DPP4: variants seen among roughly 807,000 people sequenced by gnomAD.
DPP4 encodes the protein ADCP-2.
In DPP4, 93 loss-of-function variants were observed where a neutral mutation model predicts 122.4. The ratio of observed to expected loss-of-function variants is 0.76; its 90% confidence interval spans 0.64 to 0.90. The LOEUF is 0.90. DPP4 is among the 40% of genes least tolerant of loss of function. The pLI, the probability that DPP4 is intolerant of heterozygous loss-of-function variation, is 0.00. For missense variants in DPP4, 914 were observed against 907.3 expected (o/e 1.01, Z -0.09); for synonymous variants, 321 against 302.9 (o/e 1.06, Z -0.62).
At chr2:162,028,142 A>C (rs1181090083) in intron 10 of DPP4, among the ~76,000 whole-genome samples, 1 of 151,980 alleles carries the variant, frequency 6.6e-6, no homozygotes, top group African/African-American at 2.4e-5. Flanking sequence ...CAGGTGGATC[A>C]TTTGAGGCCA....
intron 8 of DPP4, 134 bp downstream of exon 8, chr2:162,038,168 A>G (rs1683849692): frequency 1.2e-6 from 1 of 861,858 alleles, no homozygotes; most frequent in African/African-American, 1.8e-5. Flanking sequence ...GTGAGTTCTA[A>G]GAGAAATCTG....
intron 23 of DPP4, 33 bp downstream of exon 23, chr2:162,005,712 G>A (rs766339818): frequency 3.8e-6 from 6 of 1,563,342 alleles, no homozygotes; most frequent in Non-Finnish European, 4.4e-6. Flanking sequence ...TTATAAATAG[G>A]TTATAAAATA....
chr2:162,073,740 T>C (rs1685208410), intron 1 of DPP4: 6 of 704,458 alleles, frequency 8.5e-6, no homozygotes, highest in Non-Finnish European at 1.4e-5. Flanking sequence ...CGGGCGTGCG[T>C]TCTGTGAGTG....
At chr2:162,017,046 A>G (rs1682950377) in intron 17 of DPP4, 62 bp downstream of exon 17, 8 of 1,536,296 alleles carry the variant, frequency 5.2e-6, no homozygotes, top group Admixed American at 3.5e-5. Flanking sequence ...TGCTAAGTAC[A>G]TGTTAGACTT....
At chr2:162,041,040 C>A (rs1012532031) in intron 5 of DPP4, among the ~76,000 whole-genome samples, 59 of 150,800 alleles carry the variant, frequency 3.9e-4, no homozygotes, top group Admixed American at 2.9e-3. Context: ...ATAGACCAAG[C>A]AATAACTAAA....
At chr2:162,040,079 A>G (rs1373943212) in intron 5 of DPP4, among the ~76,000 whole-genome samples, 1 of 152,110 alleles carries the variant, frequency 6.6e-6, no homozygotes, top group Non-Finnish European at 1.5e-5. Flanking sequence ...TTCTTGAAAA[A>G]TAATTTCTTA....
At position 161,993,372 on chromosome 2, in the gene DPP4, C is replaced by T. The variant is rs751368178; in HGVS notation, c.2212G>A (p.Glu738Lys). 4 of 1,610,856 alleles carry T rather than the reference C, an allele frequency of 2.5e-6. No homozygotes were observed. Among genetic ancestry groups the T allele is most frequent in the Non-Finnish European group, 2.5e-6 (3 of 1,177,526 alleles). ...GTGCTGCTAGCTATTCCATGGTCTTCATCAGTATACCACTAGAGAGAGAAA... is the reference window on the plus strand; with the variant it reads ...GTGCTGCTAGCTATTCCATGGTCTTTATCAGTATACCACTAGAGAGAGAAA... ...VDFQAMWYTD[E>K]DHGIASSTAH... Residue 738 changes from glutamate (E) to lysine (K), a missense_variant, in exon 26 of 26, where the codon GAA becomes AAA. Physicochemically the swap from Glu to Lys is moderately conservative, Grantham distance 56 (BLOSUM62 1). Transcript: ENST00000360534.
At chr2:162,041,681 A>T (rs1683992010) in intron 5 of DPP4, among the ~76,000 whole-genome samples, 1 of 152,168 alleles carries the variant, frequency 6.6e-6, no homozygotes, top group South Asian at 2.1e-4. Flanking sequence ...ACCAGCTAAA[A>T]CTATTAAGAT....
At chr2:162,060,282 A>C (rs1684716960) in intron 2 of DPP4, among the ~76,000 whole-genome samples, 1 of 152,208 alleles carries the variant, frequency 6.6e-6, no homozygotes, top group Non-Finnish European at 1.5e-5. Context: ...GGGTCAGTTG[A>C]AACTTAATTT....
chr2:162,053,429 A>T lies in DPP4; in HGVS notation c.95-5928T>A, dbSNP rs868482042. Among the ~76,000 whole-genome samples, 126 of 139,750 alleles carry T rather than the reference A, an allele frequency of 9.0e-4. 2 individuals carry two copies. The highest frequency in any genetic ancestry group is 3.5e-3 in the African/African-American group (116 of 33,546). 91.7% of individuals were successfully genotyped at this position (139,750 alleles called of 152,430 possible). A position where few individuals can be genotyped will look rare whatever the true frequency, so the allele number is the denominator to read the frequency against. On this transcript the variant is annotated intron_variant, in intron 2 of 25. Coordinates refer to ENST00000360534, the MANE Select transcript of DPP4 (RefSeq NM_001935.4). ...CACCAACGATAGCTGAATAACTTTA[A>T]AAAAAAAAAACAAAAATAACTCATA... is the stretch of plus-strand genomic sequence containing the variant.
At chr2:162,032,181 G>C (rs1683570908) in intron 10 of DPP4, 2 of 152,200 alleles carry the variant, frequency 1.3e-5, no homozygotes, top group South Asian at 4.1e-4. Flanking sequence ...GTATCTAATA[G>C]CTTGTTCGTT....
chr2:161,995,310 T>TC lies in DPP4; in HGVS notation c.2114dup (p.Thr706AsnfsTer4), dbSNP rs766893106. The TC allele has an allele frequency of 1.9e-6, 3 of 1,613,800 alleles. No homozygotes were observed. The highest frequency in any genetic ancestry group is 2.2e-5 in the East Asian group (1 of 44,890). ...TTAACTGAAACTCACCATCTGCTGT[T>TC]CCATGAATAAGGAGGTACTCAACTT... On this transcript the variant is annotated frameshift_variant, in exon 24 of 26. Transcript: ENST00000360534. LOFTEE classifies it high-confidence loss of function.
chr2:161,995,955 G>A (rs908682385), intron 23 of DPP4, among the ~76,000 whole-genome samples: 2 of 152,140 alleles, frequency 1.3e-5, no homozygotes, highest in African/African-American at 4.8e-5. Flanking sequence ...GGGAGGGGAA[G>A]GGGGTAAAAA....
chr2:162,070,072 T>A (rs953983208), intron 2 of DPP4, among the ~76,000 whole-genome samples: 1 of 152,236 alleles, frequency 6.6e-6, no homozygotes, highest in Non-Finnish European at 1.5e-5. Context: ...CACTAAGCCA[T>A]GAAGAGTTCT....
chr2:162,023,059 A>G (rs111902216), intron 11 of DPP4, among the ~76,000 whole-genome samples: 1 of 152,254 alleles, frequency 6.6e-6, no homozygotes, highest in Middle Eastern at 3.4e-3. Context: ...AGAGAATTTC[A>G]TTTGTTTTCC....
intron 23 of DPP4, among the ~76,000 whole-genome samples, chr2:162,001,405 T>A (rs1218424381): frequency 1.3e-5 from 2 of 152,204 alleles, no homozygotes; most frequent in Non-Finnish European, 2.9e-5. Flanking sequence ...AGGTATAGAA[T>A]TCCTGGGGCT....
Position 162,021,920 on chromosome 2 carries a change from C to T in DPP4, c.1068+835G>A, listed in dbSNP as rs1193615607. 5.3e-5 allele frequency among the ~76,000 whole-genome samples: 8 copies of T among 152,122 alleles called. No homozygotes were observed. The South Asian group carries it at 1.2e-3, about 24-fold the overall frequency. ...AAGAAAAAGGACGTGTGAATGCTGC[C>T]GGAGCTCTGAGCCCAGCTAGAAGGG... On this transcript the variant is annotated intron_variant, in intron 12 of 25. Coordinates refer to ENST00000360534, the MANE Select transcript of DPP4 (RefSeq NM_001935.4).
chr2:162,049,081 A>G (rs780911422), intron 2 of DPP4, among the ~76,000 whole-genome samples: 5 of 152,142 alleles, frequency 3.3e-5, no homozygotes, highest in Non-Finnish European at 7.4e-5. Context: ...ACACACAAAC[A>G]TACACTCACA....
chr2:162,029,998 C>T (rs1332895706), intron 10 of DPP4, among the ~76,000 whole-genome samples: 1 of 152,150 alleles, frequency 6.6e-6, no homozygotes, highest in Non-Finnish European at 1.5e-5. Flanking sequence ...GTTTATTCTA[C>T]AAATATTGGT....
Sources: allele counts gnomAD v4.1 joint callset (sites outside exome capture counted in the v4.1 genomes callset), GRCh38; gene constraint gnomAD v4.1.1; transcripts MANE v1.5; gene names NCBI Gene and HGNC (gene_info 2026-07-23, HGNC 2026-07-21).